The following MAP2 variants were observed in gnomAD, a reference collection of about 807,000 sequenced individuals.
MAP2 encodes the protein microtubule associated protein 2.
In MAP2, 14 loss-of-function variants were observed where a neutral mutation model predicts 137.6. That is an observed-to-expected ratio of 0.10 (90% CI 0.07 to 0.16). The LOEUF (loss-of-function observed/expected upper bound fraction) is 0.16. Among genes scored for constraint, MAP2 ranks in the 10% least tolerant of loss-of-function variants. The probability of loss-of-function intolerance (pLI) is 1.00; values close to 1 mark genes in which losing one functional copy is unlikely to be tolerated. For synonymous variants in MAP2, 786 were observed against 782.3 expected, an observed-to-expected ratio of 1.00 and a Z score of -0.08; for missense variants, 2,088 against 2,191.5, an observed-to-expected ratio of 0.95 and a Z score of 0.94.
At chr2:209,503,347 AT>A (rs1423270907) in intron 1 of MAP2, among the ~76,000 whole-genome samples, 1 of 151,488 alleles carries the variant, frequency 6.6e-6, no homozygotes, top group Non-Finnish European at 1.5e-5. Flanking sequence ...GTTTGCAAAT[AT>A]TTTCTCCCAT....
Position 209,678,582 on chromosome 2 carries a change from T to C in MAP2, c.273T>C (p.Ser91=). ...SADRETAEEV[S]ARIVQVVTAE... ...TACTGTTTATTACAGAGGAGGTGTC[T>C]GCAAGGATAGTTCAAGTAGTCACTG... The change falls in exon 6 of 16, where the codon TCT becomes TCC. Residue 91 remains serine, a synonymous_variant. Coordinates refer to ENST00000682079, the MANE Select transcript of MAP2 (RefSeq NM_001375505.1). 2 of 1,575,880 alleles carry C rather than the reference T, an allele frequency of 1.3e-6. No homozygotes were observed. Among genetic ancestry groups the C allele is most frequent in the Non-Finnish European group, 1.7e-6 (2 of 1,158,816 alleles).
intron 2 of MAP2, among the ~76,000 whole-genome samples, chr2:209,543,185 G>T (rs2067360012): frequency 6.6e-6 from 1 of 152,196 alleles, no homozygotes; most frequent in African/African-American, 2.4e-5. Context: ...CCTAAGAAGA[G>T]AGAGAGAGAA....
intron 3 of MAP2, among the ~76,000 whole-genome samples, chr2:209,589,758 C>T (rs1172027825): frequency 1.3e-5 from 2 of 152,052 alleles, no homozygotes; most frequent in Non-Finnish European, 2.9e-5. Flanking sequence ...TTCTGAGTTC[C>T]ACAGAATTTT....
intron 1 of MAP2, among the ~76,000 whole-genome samples, chr2:209,428,923 T>TTTTATTTATTTA (rs200198018): frequency 1.4e-3 from 210 of 146,428 alleles, no homozygotes; most frequent in East Asian, 3.3e-3. Flanking sequence ...CTTTATTTTA[T>TTTTATTTATTTA]TTTATTTATT....
chr2:209,559,253 A>G (rs1412844355), intron 2 of MAP2, among the ~76,000 whole-genome samples: 1 of 151,546 alleles, frequency 6.6e-6, no homozygotes, highest in Admixed American at 6.6e-5. Flanking sequence ...CTGTTAGAGT[A>G]TCTCTATAGC....
intron 2 of MAP2, among the ~76,000 whole-genome samples, chr2:209,559,706 G>A (rs894869304): frequency 1.2e-4 from 18 of 151,940 alleles, no homozygotes; most frequent in Non-Finnish European, 1.6e-4. Flanking sequence ...CAAGACAGTA[G>A]TGGTGTCCTT....
intron 1 of MAP2, among the ~76,000 whole-genome samples, chr2:209,465,274 A>C (rs550739772): frequency 1.0e-3 from 156 of 152,314 alleles, no homozygotes; most frequent in Non-Finnish European, 1.7e-3. Flanking sequence ...TGTCTAAAAA[A>C]AAGTGAAAGA....
intron 11 of MAP2, 58 bp from the exon 12 acceptor site, chr2:209,705,522 C>T (rs1192678006): frequency 1.4e-6 from 2 of 1,446,070 alleles, no homozygotes; most frequent in Non-Finnish European, 1.8e-6. Flanking sequence ...ATCAATATCA[C>T]TTCGTATAAA....
At chr2:209,435,280 A>C in intron 1 of MAP2, among the ~76,000 whole-genome samples, 1 of 151,730 alleles carries the variant, frequency 6.6e-6, no homozygotes. Flanking sequence ...GGTAAAAAAA[A>C]AAGTATGTCT....
At chr2:209,433,280 C>A in intron 1 of MAP2, among the ~76,000 whole-genome samples, 1 of 152,026 alleles carries the variant, frequency 6.6e-6, no homozygotes, top group East Asian at 1.9e-4. Flanking sequence ...ATGGGATAGG[C>A]TGCCTTTGGA....
chr2:209,432,818 A>G (rs1441686035), intron 1 of MAP2, among the ~76,000 whole-genome samples: 2 of 152,186 alleles, frequency 1.3e-5, no homozygotes, highest in Non-Finnish European at 2.9e-5. Context: ...CCTGGATTGT[A>G]TATCAAGAGT....
At chr2:209,446,043 G>T (rs1009213396) in intron 1 of MAP2, among the ~76,000 whole-genome samples, 3 of 151,680 alleles carry the variant, frequency 2.0e-5, no homozygotes, top group African/African-American at 7.2e-5. Context: ...TTTGGGTTTT[G>T]GGGGTAGTTG....
At chr2:209,477,862 G>T (rs1296694100) in intron 1 of MAP2, among the ~76,000 whole-genome samples, 1 of 151,056 alleles carries the variant, frequency 6.6e-6, no homozygotes, top group African/African-American at 2.4e-5. Context: ...AAAAAAGCCA[G>T]GTGTGGTGGT....
intron 2 of MAP2, among the ~76,000 whole-genome samples, chr2:209,565,150 T>C (rs2073110045): frequency 6.6e-6 from 1 of 152,194 alleles, no homozygotes; most frequent in African/African-American, 2.4e-5. Flanking sequence ...CTCTTTTTCA[T>C]TGATTGTGTT....
chr2:209,618,068 T>A (rs2090069007), intron 3 of MAP2, among the ~76,000 whole-genome samples: 1 of 151,958 alleles, frequency 6.6e-6, no homozygotes, highest in African/African-American at 2.4e-5. Context: ...TACATGAATA[T>A]CAAATAAATA....
intron 3 of MAP2, among the ~76,000 whole-genome samples, chr2:209,615,367 T>G (rs1249667231): frequency 1.3e-5 from 2 of 152,172 alleles, no homozygotes; most frequent in Non-Finnish European, 2.9e-5. Context: ...TACAAAAGGC[T>G]TTTAGATGTT....
intron 5 of MAP2, among the ~76,000 whole-genome samples, chr2:209,664,482 G>A (rs1220962118): frequency 1.3e-5 from 2 of 152,164 alleles, no homozygotes; most frequent in Non-Finnish European, 2.9e-5. Context: ...TCCAGGAGGT[G>A]GAGGTTACAG....
At chr2:209,435,526 G>A (rs1445941686) in intron 1 of MAP2, among the ~76,000 whole-genome samples, 1 of 151,782 alleles carries the variant, frequency 6.6e-6, no homozygotes, top group Non-Finnish European at 1.5e-5. Context: ...TTGCCTGTGT[G>A]GGTGGTGCTG....
intron 3 of MAP2, among the ~76,000 whole-genome samples, chr2:209,593,902 A>G (rs1290579640): frequency 7.7e-5 from 2 of 26,060 alleles, no homozygotes; most frequent in East Asian, 2.0e-3. Flanking sequence ...ATTAAAATAT[A>G]TAAGTATATA....
Sources: allele counts gnomAD v4.1 joint callset (sites outside exome capture counted in the v4.1 genomes callset), GRCh38; gene constraint gnomAD v4.1.1; transcripts MANE v1.5; gene names NCBI Gene and HGNC (gene_info 2026-07-23, HGNC 2026-07-21).